Variants in COMMD1 observed in about 807,000 individuals in gnomAD.
COMMD1 encodes the protein copper metabolism domain containing 1, also known as COMM domain-containing protein 1.
COMMD1 carries 10 observed loss-of-function variants against 17.2 expected under a neutral mutation model. The observed-to-expected ratio is 0.58, with a 90% CI of 0.36 to 0.99. COMMD1 has a LOEUF of 0.99. Ranked by LOEUF, COMMD1 falls within the 50% of genes least tolerant of loss-of-function variation. The probability of loss-of-function intolerance (pLI) is 0.01; values close to 1 mark genes in which losing one functional copy is unlikely to be tolerated. For missense variants in COMMD1, 270 were observed against 231.8 expected, an observed-to-expected ratio of 1.17 and a Z score of -1.07; for synonymous variants, 97 against 91.6, an observed-to-expected ratio of 1.06 and a Z score of -0.34.
At chr2:61,978,708 G>A (rs1394540516) in intron 1 of COMMD1, among the ~76,000 whole-genome samples, 1 of 152,138 alleles carries the variant, frequency 6.6e-6, no homozygotes, top group Non-Finnish European at 1.5e-5. Context: ...AGCCAAGACT[G>A]AGGGGTGAAG....
intron 2 of COMMD1, among the ~76,000 whole-genome samples, chr2:62,015,609 A>G (rs1258311465): frequency 6.6e-6 from 1 of 151,294 alleles, no homozygotes; most frequent in Non-Finnish European, 1.5e-5. Flanking sequence ...ACTATTTTCT[A>G]CAGCAGTTGC....
rs149780809 is a variant in COMMD1, at chr2:62,122,895, G to T, written c.463-12936G>T. Among the ~76,000 whole-genome samples the T allele has an allele frequency of 3.3e-3, 504 of 152,286 alleles. 1 individual carries two copies. Among genetic ancestry groups the T allele is most frequent in the Non-Finnish European group, 5.7e-3 (391 of 68,034 alleles). ...TTTAGAATCTCATTGCCTTGTTAACGCACAGGCCCTGAGCCTGCAGATAAA... is the reference window on the plus strand; with the variant it reads ...TTTAGAATCTCATTGCCTTGTTAACTCACAGGCCCTGAGCCTGCAGATAAA... On this transcript the variant is annotated intron_variant, in intron 2 of 2. Coordinates refer to ENST00000311832, the MANE Select transcript of COMMD1 (RefSeq NM_152516.4).
chr2:62,027,256 T>C (rs1484779159), intron 2 of COMMD1, among the ~76,000 whole-genome samples: 2 of 152,232 alleles, frequency 1.3e-5, no homozygotes, highest in Non-Finnish European at 2.9e-5. Context: ...CTTGTGTTTC[T>C]CTTCTGGCTA....
intron 1 of COMMD1, among the ~76,000 whole-genome samples, chr2:61,950,686 C>A (rs980572235): frequency 1.3e-5 from 2 of 152,194 alleles, no homozygotes; most frequent in Non-Finnish European, 2.9e-5. Context: ...ACAAAGGTTA[C>A]TTTAACACAG....
intron 2 of COMMD1, among the ~76,000 whole-genome samples, chr2:62,094,692 T>G (rs1429836775): frequency 1.3e-5 from 2 of 152,110 alleles, no homozygotes; most frequent in Admixed American, 6.5e-5. Flanking sequence ...GAACAGTCAA[T>G]CAACTGAGTA....
intron 1 of COMMD1, among the ~76,000 whole-genome samples, chr2:61,908,757 C>G (rs530992535): frequency 6.7e-6 from 1 of 149,676 alleles, no homozygotes; most frequent in Non-Finnish European, 1.5e-5. Context: ...TCAGTAGAGA[C>G]GGGGTTTCAC....
At chr2:61,902,256 C>T (rs1437728698), upstream of COMMD1, among the ~76,000 whole-genome samples, 1 of 151,676 alleles carries the variant, frequency 6.6e-6, no homozygotes, top group Non-Finnish European at 1.5e-5. Flanking sequence ...GCCTGTAATC[C>T]CAGCACTTTG....
At chr2:62,032,475 G>T (rs1249982980) in intron 2 of COMMD1, among the ~76,000 whole-genome samples, 1 of 152,178 alleles carries the variant, frequency 6.6e-6, no homozygotes, top group East Asian at 1.9e-4. Context: ...GTTCCTGGCT[G>T]CAGTGAGCTA....
At chr2:61,984,823 C>A (rs1218145360) in intron 1 of COMMD1, among the ~76,000 whole-genome samples, 1 of 151,922 alleles carries the variant, frequency 6.6e-6, no homozygotes, top group East Asian at 1.9e-4. Context: ...CTTTATATAT[C>A]TGGGTGCTCT....
In COMMD1 at chr2:61,894,641, G is replaced by A. The variant is rs534405291; in HGVS notation, n.119+5799G>A. Among the ~76,000 whole-genome samples the A allele has an allele frequency of 1.7e-4, 25 of 150,428 alleles. No individual in the cohort carries two copies. The South Asian group carries it at 5.0e-3, about 30-fold the overall frequency. On this transcript the variant is annotated intron_variant and non_coding_transcript_variant, in intron 1 of 2. Coordinates refer to the COMMD1 transcript ENST00000472729. The stretch of plus-strand genomic sequence containing the variant: ...CCTCTGCTTCATGTTACTATTGCAA[G>A]CTAAATTAAAAAAAATAGAATGATG...
intron 2 of COMMD1, among the ~76,000 whole-genome samples, chr2:62,003,030 C>T (rs532264017): frequency 6.6e-6 from 1 of 151,138 alleles, no homozygotes; most frequent in Non-Finnish European, 1.5e-5. Flanking sequence ...GTCAGGAGAT[C>T]AAGACCAGCC....
intron 2 of COMMD1, among the ~76,000 whole-genome samples, chr2:62,101,152 A>G (rs901186850): frequency 6.6e-6 from 1 of 151,814 alleles, no homozygotes; most frequent in Non-Finnish European, 1.5e-5. Context: ...GCTTTTATTC[A>G]CAACACCTCT....
intron 2 of COMMD1, among the ~76,000 whole-genome samples, chr2:62,113,157 C>A (rs1672499542): frequency 6.6e-6 from 1 of 150,510 alleles, no homozygotes; most frequent in African/African-American, 2.4e-5. Flanking sequence ...CTAGCCTGGG[C>A]AACATAGCAA....
intron 2 of COMMD1, among the ~76,000 whole-genome samples, chr2:62,030,456 G>A (rs1049334762): frequency 2.0e-5 from 3 of 152,118 alleles, no homozygotes; most frequent in African/African-American, 4.8e-5. Flanking sequence ...ATGTTTAGCA[G>A]CATCGCAGGT....
chr2:61,964,438 G>T (rs1005746848), intron 1 of COMMD1, among the ~76,000 whole-genome samples: 1 of 151,942 alleles, frequency 6.6e-6, no homozygotes, highest in Non-Finnish European at 1.5e-5. Flanking sequence ...AGTCTCAAAT[G>T]CCTGGGCTTA....
intron 2 of COMMD1, among the ~76,000 whole-genome samples, chr2:62,001,435 A>G (rs532165193): frequency 2.6e-5 from 4 of 152,310 alleles, no homozygotes; most frequent in Admixed American, 2.0e-4. Flanking sequence ...AGACCCCTAA[A>G]TGTGCTATCT....
intron 2 of COMMD1, among the ~76,000 whole-genome samples, chr2:62,007,578 A>C (rs987154709): frequency 6.6e-6 from 1 of 152,174 alleles, no homozygotes; most frequent in Non-Finnish European, 1.5e-5. Flanking sequence ...CTATATTTAG[A>C]TATGTTTAGT....
At chr2:62,045,635 C>T (rs1670360939) in intron 2 of COMMD1, among the ~76,000 whole-genome samples, 1 of 150,862 alleles carries the variant, frequency 6.6e-6, no homozygotes, top group Non-Finnish European at 1.5e-5. Flanking sequence ...CTCCCGACCT[C>T]AAGGGATCTG....
At chr2:62,002,631 C>T (rs368031871) in intron 2 of COMMD1, among the ~76,000 whole-genome samples, 21 of 150,316 alleles carry the variant, frequency 1.4e-4, no homozygotes, top group African/African-American at 5.1e-4. Flanking sequence ...AGTTCAAGAC[C>T]AACCTGGCCA....
Sources: gnomAD v4.1 joint callset for allele counts (sites outside exome capture counted in the v4.1 genomes callset) on GRCh38, gnomAD v4.1.1 for gene constraint, MANE v1.5 for transcripts, NCBI Gene and HGNC (gene_info 2026-07-23, HGNC 2026-07-21) for gene names.